The following TLCD4 variants were observed in gnomAD, a reference collection of about 807,000 sequenced individuals.
TLCD4 encodes the protein TLC domain-containing protein 4.
A neutral mutation model predicts 24.2 loss-of-function variants in TLCD4; 7 were observed. That is an observed-to-expected ratio of 0.29 (90% CI 0.16 to 0.54). The LOEUF (loss-of-function observed/expected upper bound fraction) is 0.54, where lower values mean the gene tolerates loss of function less well. Ranked by LOEUF, TLCD4 falls within the 20% of genes least tolerant of loss-of-function variation. The pLI is 0.95. For missense variants in TLCD4, 259 were observed against 313.9 expected (o/e 0.82, Z 1.32); for synonymous variants, 103 against 106.4 (o/e 0.97, Z 0.20).
Position 95,139,255 on chromosome 1 carries a change from C to T in TLCD4, c.-11-4636C>T, listed in dbSNP as rs549574933. On this transcript the variant is annotated intron_variant, in intron 1 of 6. Coordinates refer to ENST00000370203, the MANE Select transcript of TLCD4 (RefSeq NM_152487.3). ...ATTACTGTGAATGGAGCTTGCAGGA[C>T]TAGAAGTTGCTCTAGGTGAATCACT... 6.7e-5 allele frequency among the ~76,000 whole-genome samples: 10 copies of T among 149,936 alleles called. No homozygotes were observed. In the East Asian group the frequency reaches 1.8e-3, roughly 27 times the overall value.
intron 2 of TLCD4, 79 bp downstream of exon 2, chr1:95,144,135 T>C: frequency 8.0e-7 from 1 of 1,254,730 alleles, no homozygotes; most frequent in Non-Finnish European, 1.0e-6. Context: ...CAAAAAAGTA[T>C]TTCATTTAGG....
At chr1:95,124,820 C>G (rs1676667321) in intron 1 of TLCD4, among the ~76,000 whole-genome samples, 1 of 151,462 alleles carries the variant, frequency 6.6e-6, no homozygotes. Flanking sequence ...CTTAATAGAA[C>G]TATAGCACTG....
At chr1:95,105,802 A>G in the TLCD4 span, among the ~76,000 whole-genome samples, 77,086 of 151,058 alleles carry the variant, frequency 0.51, 21,140 homozygotes, top group Non-Finnish European at 0.6. Flanking sequence ...GGCTGAGACA[A>G]GAGAATGGCG....
chr1:95,142,829 A>T (rs1677242327), intron 1 of TLCD4, among the ~76,000 whole-genome samples: 1 of 152,132 alleles, frequency 6.6e-6, no homozygotes, highest in African/African-American at 2.4e-5. Flanking sequence ...GCGTGCCTGT[A>T]ATCCCAGCCG....
chr1:95,159,455 G>A (rs576253181), intron 5 of TLCD4, among the ~76,000 whole-genome samples: 2 of 152,250 alleles, frequency 1.3e-5, no homozygotes, highest in Admixed American at 1.3e-4. Context: ...TCATTCTGTA[G>A]GTTGCATGTT....
the TLCD4 span, among the ~76,000 whole-genome samples, chr1:95,099,344 A>G: frequency 1.3e-5 from 2 of 152,176 alleles, no homozygotes; most frequent in East Asian, 3.8e-4. Context: ...TTATTACCAC[A>G]TTGTGCTTCC....
At chr1:95,160,038 T>C (rs1474788847) in intron 5 of TLCD4, among the ~76,000 whole-genome samples, 2 of 152,242 alleles carry the variant, frequency 1.3e-5, no homozygotes, top group African/African-American at 2.4e-5. Flanking sequence ...TCCAATTCTG[T>C]GAAGAAAGTC....
At position 95,196,445 on chromosome 1, in the gene TLCD4, A is replaced by G. The variant is rs1298268041; in HGVS notation, c.*4577A>G. The G allele has an allele frequency of 6.6e-6, 1 of 152,240 alleles. No homozygotes were observed. The highest frequency in any genetic ancestry group is 1.5e-5 in the Non-Finnish European group (1 of 68,054). 9.4% of individuals were successfully genotyped at this position (152,240 alleles called of 1,614,324 possible). A position where few individuals can be genotyped will look rare whatever the true frequency, so the allele number is the denominator to read the frequency against. The stretch of plus-strand genomic sequence containing the variant: ...TACTTGGTGTTTTCCAAAGTACAAC[A>G]TCCAAGGCTTGAACCTTACCCGTTT... On this transcript the variant is annotated 3_prime_UTR_variant, in exon 7 of 7. Coordinates refer to ENST00000370203, the MANE Select transcript of TLCD4 (RefSeq NM_152487.3).
chr1:95,118,563 G>T (rs142822121), intron 1 of TLCD4, among the ~76,000 whole-genome samples: 1 of 152,250 alleles, frequency 6.6e-6, no homozygotes, highest in East Asian at 1.9e-4. Context: ...ATTGATGTGT[G>T]AAATAGGAAA....
chr1:95,170,931 AAAAG>A (rs142559130), intron 5 of TLCD4, among the ~76,000 whole-genome samples: 4,193 of 152,252 alleles, frequency 0.028, 80 homozygotes, highest in East Asian at 0.091. Flanking sequence ...TTTCATTAAA[AAAAG>A]CACACAAAAT....
At chr1:95,113,666 T>C (rs1430928298), upstream of TLCD4, among the ~76,000 whole-genome samples, 1 of 152,054 alleles carries the variant, frequency 6.6e-6, no homozygotes, top group Non-Finnish European at 1.5e-5. Context: ...TTACTTTCAC[T>C]AAAAATAAAA....
chr1:95,137,616 T>C (rs1013921081), intron 1 of TLCD4, among the ~76,000 whole-genome samples: 2 of 152,074 alleles, frequency 1.3e-5, no homozygotes, highest in Non-Finnish European at 2.9e-5. Context: ...GAGTCTGTTT[T>C]TTCTAAAGTC....
Position 95,191,729 on chromosome 1 carries a change from C to T in TLCD4, c.653C>T (p.Ser218Phe). 2.5e-6 allele frequency: 4 copies of T among 1,614,114 alleles called. No homozygotes were observed. Among genetic ancestry groups the T allele is most frequent in the Non-Finnish European group, 3.4e-6 (4 of 1,180,012 alleles). ...YIRLGVLIQL[S>F]WVISCVVLDV... is the part of the protein sequence containing the mutation. Reference sequence around the variant, plus strand: ...AGGCTTGGAGTTTTAATCCAGTTATCCTGGGTCATTAGTTGTGTTGTTTTG... The same window carrying T: ...AGGCTTGGAGTTTTAATCCAGTTATTCTGGGTCATTAGTTGTGTTGTTTTG... Residue 218 changes from serine (S) to phenylalanine (F), a missense_variant, in exon 7 of 7, where the codon TCC (serine) becomes TTC (phenylalanine). Coordinates refer to ENST00000370203, the MANE Select transcript of TLCD4 (RefSeq NM_152487.3).
At chr1:95,133,240 G>C (rs1030367007) in intron 1 of TLCD4, among the ~76,000 whole-genome samples, 37 of 152,252 alleles carry the variant, frequency 2.4e-4, no homozygotes, top group African/African-American at 8.7e-4. Context: ...GTTGTGGGGT[G>C]GGGGGACGGA....
chr1:95,181,544 C>T (rs1678640368), intron 6 of TLCD4, among the ~76,000 whole-genome samples: 1 of 151,208 alleles, frequency 6.6e-6, no homozygotes, highest in Non-Finnish European at 1.5e-5. Flanking sequence ...AATTCATTGG[C>T]CTTTCTTGGG....
chr1:95,108,029 G>A, the TLCD4 span, among the ~76,000 whole-genome samples: 1 of 152,154 alleles, frequency 6.6e-6, no homozygotes, highest in Non-Finnish European at 1.5e-5. Context: ...TTTTACAAAT[G>A]AAGACCATTT....
chr1:95,109,574 G>A, the TLCD4 span, among the ~76,000 whole-genome samples: 1 of 149,250 alleles, frequency 6.7e-6, no homozygotes, highest in Admixed American at 6.8e-5. Flanking sequence ...TGCAACCTCC[G>A]CCTCCTGGGT....
chr1:95,156,444 T>A (rs1287292593), intron 5 of TLCD4, among the ~76,000 whole-genome samples: 1 of 149,800 alleles, frequency 6.7e-6, no homozygotes. Flanking sequence ...GGAGTGAAAA[T>A]TCAGACTCAC....
At chr1:95,181,701 A>G (rs916363797) in intron 6 of TLCD4, among the ~76,000 whole-genome samples, 14 of 152,076 alleles carry the variant, frequency 9.2e-5, no homozygotes, top group African/African-American at 3.4e-4. Flanking sequence ...GGTTCAAGCA[A>G]TTCTCCTGCC....
Sources: gnomAD v4.1 joint callset for allele counts (sites outside exome capture counted in the v4.1 genomes callset) on GRCh38, gnomAD v4.1.1 for gene constraint, MANE v1.5 for transcripts, NCBI Gene and HGNC (gene_info 2026-07-23, HGNC 2026-07-21) for gene names.